The following ENOX1 variants were observed in gnomAD, a reference collection of about 807,000 sequenced individuals.
ENOX1 encodes the protein ecto-NOX disulfide-thiol exchanger 1, also known as candidate growth-related and time keeping constitutive hydroquinone (NADH) oxidase.
Under a neutral mutation model 82.5 loss-of-function variants are expected in ENOX1, and 42 were observed. The observed-to-expected ratio is 0.51, with a 90% CI of 0.40 to 0.66. The LOEUF is 0.66. ENOX1 is among the 30% of genes least tolerant of loss of function. The pLI is 0.00. For synonymous variants in ENOX1, 271 were observed against 282.2 expected (o/e 0.96, Z 0.40); for missense variants, 608 against 811.6 (o/e 0.75, Z 3.05).
intron 2 of ENOX1, among the ~76,000 whole-genome samples, chr13:43,624,426 T>G (rs574789396): frequency 6.6e-6 from 1 of 152,290 alleles, no homozygotes; most frequent in East Asian, 1.9e-4. Context: ...TTAATTTTAA[T>G]GAAGTGAAAT....
At chr13:43,264,840 C>T (rs1365170878) in intron 14 of ENOX1, among the ~76,000 whole-genome samples, 2 of 152,162 alleles carry the variant, frequency 1.3e-5, no homozygotes, top group African/African-American at 4.8e-5. Context: ...TCAAGGAACA[C>T]TAAGAGAGGA....
At chr13:43,477,166 T>C (rs1307896735) in intron 3 of ENOX1, among the ~76,000 whole-genome samples, 1 of 139,824 alleles carries the variant, frequency 7.2e-6, no homozygotes, top group Non-Finnish European at 1.6e-5. Context: ...TATATACACA[T>C]ACATATATAT....
At chr13:43,601,771 G>A (rs1301617475) in intron 2 of ENOX1, among the ~76,000 whole-genome samples, 3 of 152,048 alleles carry the variant, frequency 2.0e-5, no homozygotes, top group South Asian at 2.1e-4. Context: ...ACTCCCAAAC[G>A]TCAGGGATAA....
intron 3 of ENOX1, among the ~76,000 whole-genome samples, chr13:43,469,321 T>C (rs930943977): frequency 6.6e-6 from 1 of 152,066 alleles, no homozygotes; most frequent in Admixed American, 6.5e-5. Flanking sequence ...TATTTGGTTC[T>C]GGTGTATAGT....
At chr13:43,562,125 G>T (rs950462145) in intron 2 of ENOX1, among the ~76,000 whole-genome samples, 1 of 151,890 alleles carries the variant, frequency 6.6e-6, no homozygotes, top group Non-Finnish European at 1.5e-5. Context: ...ATCTTGAGTA[G>T]AAAGATGAAA....
intron 3 of ENOX1, among the ~76,000 whole-genome samples, chr13:43,448,172 C>T (rs2056762223): frequency 6.6e-6 from 1 of 152,178 alleles, no homozygotes; most frequent in Non-Finnish European, 1.5e-5. Context: ...CAACATGAAC[C>T]TTGTAAAACA....
In ENOX1 at chr13:43,546,007, T is replaced by C. The variant is rs1464886113; in HGVS notation, c.-218-61855A>G. 2.0e-5 allele frequency: 3 copies of C among 152,302 alleles called. No homozygotes were observed. The East Asian group carries it at 5.8e-4, about 29-fold the overall frequency. The allele number at this position is 152,302 out of a possible 1,614,324, so 9.4% of individuals were successfully genotyped here. A position where few individuals can be genotyped will look rare whatever the true frequency, so the allele number is the denominator to read the frequency against. On this transcript the variant is annotated intron_variant, in intron 2 of 16. Transcript: ENST00000690772. ...TGTTTATGTTTCAAACATAAAATAA[T>C]GAATCAGCACTCGAACAAGTCTTGA...
Position 43,469,791 on chromosome 13 carries a change from A to G in ENOX1, c.-75+14218T>C, listed in dbSNP as rs138878184. Among the ~76,000 whole-genome samples the G allele has an allele frequency of 7.5e-3, 1,147 of 152,072 alleles. 13 individuals are homozygous for G. Among genetic ancestry groups the G allele is most frequent in the African/African-American group, 0.026 (1,076 of 41,536 alleles). ...TTCTAAGATAAATCTAAAATTTTACAGGAACTAGGATATACAAACCAATTT... is the reference window on the plus strand; with the variant it reads ...TTCTAAGATAAATCTAAAATTTTACGGGAACTAGGATATACAAACCAATTT... On this transcript the variant is annotated intron_variant, in intron 3 of 16. Transcript: ENST00000690772.
At chr13:43,234,799 C>T (rs1458087211) in intron 15 of ENOX1, among the ~76,000 whole-genome samples, 1 of 151,952 alleles carries the variant, frequency 6.6e-6, no homozygotes. Flanking sequence ...TTTGAAGTAG[C>T]CAACTGAAAA....
At chr13:43,549,906 A>C (rs1172014489) in intron 2 of ENOX1, among the ~76,000 whole-genome samples, 2 of 152,196 alleles carry the variant, frequency 1.3e-5, no homozygotes, top group Non-Finnish European at 2.9e-5. Flanking sequence ...CAAGGCTCTA[A>C]GACAGCGGCT....
At chr13:43,365,816 C>A (rs1177875535) in intron 5 of ENOX1, among the ~76,000 whole-genome samples, 1 of 152,208 alleles carries the variant, frequency 6.6e-6, no homozygotes, top group Non-Finnish European at 1.5e-5. Context: ...GGCTCCAGAG[C>A]CCCCTTCCTC....
At chr13:43,603,957 T>C (rs9594980) in intron 2 of ENOX1, among the ~76,000 whole-genome samples, 103,302 of 106,884 alleles carry the variant, frequency 0.97, 50,172 homozygotes, top group East Asian at 1. Flanking sequence ...CCTGAGGAAT[T>C]GCCACACTGA....
chr13:43,648,062 G>A (rs894642219), intron 2 of ENOX1, among the ~76,000 whole-genome samples: 1 of 152,202 alleles, frequency 6.6e-6, no homozygotes, highest in Non-Finnish European at 1.5e-5. Flanking sequence ...TGAGAACTGT[G>A]TTGGACTTCC....
chr13:43,470,285 T>C lies in ENOX1; in HGVS notation c.-75+13724A>G, dbSNP rs545709854. Among the ~76,000 whole-genome samples, 48 of 34,988 alleles carry C rather than the reference T, an allele frequency of 1.4e-3. 1 individual carries two copies. The highest frequency in any genetic ancestry group is 9.7e-3 in the East Asian group (37 of 3,816). 23.0% of individuals were successfully genotyped at this position (34,988 alleles called of 152,430 possible). On this transcript the variant is annotated intron_variant, in intron 3 of 16. Coordinates refer to ENST00000690772, the MANE Select transcript of ENOX1 (RefSeq NM_001347969.2). ...ACATATATATACACATATATATACA[T>C]ATATATATACACATATATATACATA...
chr13:43,411,640 A>C (rs1478276680), intron 5 of ENOX1, among the ~76,000 whole-genome samples: 1 of 152,244 alleles, frequency 6.6e-6, no homozygotes, highest in Non-Finnish European at 1.5e-5. Context: ...GAAAGCAAAT[A>C]TTAGCCATTC....
intron 2 of ENOX1, among the ~76,000 whole-genome samples, chr13:43,618,656 A>T (rs904543002): frequency 6.6e-6 from 1 of 152,074 alleles, no homozygotes; most frequent in African/African-American, 2.4e-5. Flanking sequence ...TATAGTTTGA[A>T]ATCAGATAGT....
intron 2 of ENOX1, among the ~76,000 whole-genome samples, chr13:43,616,338 G>T (rs1003788005): frequency 1.4e-5 from 2 of 147,664 alleles, no homozygotes; most frequent in Admixed American, 6.9e-5. Flanking sequence ...AAGTAGCTGG[G>T]AGTACAGGTG....
intron 2 of ENOX1, among the ~76,000 whole-genome samples, chr13:43,570,947 A>G (rs1002248522): frequency 6.6e-6 from 1 of 152,170 alleles, no homozygotes; most frequent in Non-Finnish European, 1.5e-5. Context: ...CTCATTTCTC[A>G]TGTTTCTATA....
At chr13:43,473,272 A>G (rs1285839999) in intron 3 of ENOX1, among the ~76,000 whole-genome samples, 1 of 152,164 alleles carries the variant, frequency 6.6e-6, no homozygotes, top group African/African-American at 2.4e-5. Flanking sequence ...TGACTAATGG[A>G]TTTTTATCCA....
Sources: gnomAD v4.1 joint callset for allele counts (sites outside exome capture counted in the v4.1 genomes callset) on GRCh38, gnomAD v4.1.1 for gene constraint, MANE v1.5 for transcripts, NCBI Gene and HGNC (gene_info 2026-07-23, HGNC 2026-07-21) for gene names.